The following FNIP2 variants were observed in gnomAD, a reference collection of about 807,000 sequenced individuals.
FNIP2 encodes folliculin interacting protein 2, also known as folliculin-interacting protein 2.
FNIP2 carries 32 observed loss-of-function variants against 108.7 expected under a neutral mutation model. The ratio of observed to expected loss-of-function variants is 0.29; its 90% CI spans 0.22 to 0.40. FNIP2 has a LOEUF of 0.40. Ranked by LOEUF, FNIP2 falls within the 10% of genes least tolerant of loss-of-function variation. The probability of loss-of-function intolerance (pLI) is 1.00; values close to 1 mark genes in which losing one functional copy is unlikely to be tolerated. For missense variants in FNIP2, 1,202 were observed against 1,381.6 expected (o/e 0.87, Z 2.06); for synonymous variants, 480 against 496.7 (o/e 0.97, Z 0.45).
chr4:158,815,154 C>T (rs1322204004), intron 1 of FNIP2, among the ~76,000 whole-genome samples: 10 of 152,152 alleles, frequency 6.6e-5, no homozygotes, highest in Non-Finnish European at 7.3e-5. Context: ...CTCCATTTTG[C>T]AGATGAGGCT....
intron 7 of FNIP2, among the ~76,000 whole-genome samples, chr4:158,839,765 G>A (rs1779019730): frequency 6.6e-6 from 1 of 152,050 alleles, no homozygotes; most frequent in South Asian, 2.1e-4. Flanking sequence ...ATCTGTGAGG[G>A]GTTGGGGTGA....
At chr4:158,792,502 A>G (rs1370435401) in intron 1 of FNIP2, among the ~76,000 whole-genome samples, 1 of 152,110 alleles carries the variant, frequency 6.6e-6, no homozygotes, top group Non-Finnish European at 1.5e-5. Flanking sequence ...TCTTTAGGTA[A>G]GCTTTGTTCA....
chr4:158,881,553 T>C (rs1560828308), intron 14 of FNIP2, among the ~76,000 whole-genome samples: 1 of 14,890 alleles, frequency 6.7e-5, no homozygotes, highest in South Asian at 3.7e-3. Flanking sequence ...GCTCCCTGCC[T>C]GATTCTCCTG....
intron 14 of FNIP2, among the ~76,000 whole-genome samples, chr4:158,880,699 T>C (rs559831692): frequency 6.6e-6 from 1 of 152,248 alleles, no homozygotes; most frequent in Admixed American, 6.5e-5. Context: ...CTGAAGGGGT[T>C]TTTTGGTTTG....
intron 7 of FNIP2, among the ~76,000 whole-genome samples, chr4:158,840,404 T>G (rs566293917): frequency 4.7e-5 from 7 of 147,712 alleles, no homozygotes; most frequent in Non-Finnish European, 7.5e-5. Flanking sequence ...TTTGTTGTTG[T>G]TTTTTTTTTG....
chr4:158,889,568 A>G (rs1303101776), intron 14 of FNIP2, among the ~76,000 whole-genome samples: 1 of 152,162 alleles, frequency 6.6e-6, no homozygotes, highest in African/African-American at 2.4e-5. Flanking sequence ...CAAATTACCT[A>G]TTGCAAATCA....
At chr4:158,877,537 A>G (rs1462673708) in intron 14 of FNIP2, among the ~76,000 whole-genome samples, 1 of 152,216 alleles carries the variant, frequency 6.6e-6, no homozygotes, top group Non-Finnish European at 1.5e-5. Context: ...TAGAGTTATG[A>G]TAAGGCCATA....
At chr4:158,892,141 C>CTT (rs34895070) in intron 15 of FNIP2, among the ~76,000 whole-genome samples, 76 of 113,490 alleles carry the variant, frequency 6.7e-4, no homozygotes, top group African/African-American at 9.6e-4. Flanking sequence ...TCAATTGTTG[C>CTT]TTTTTTTTTT....
rs1729678985 is a variant in FNIP2 at position 158,904,733 on chromosome 4, T to C, written c.*189T>C. On this transcript the variant is annotated 3_prime_UTR_variant, in exon 17 of 17. Transcript: ENST00000264433. The stretch of plus-strand genomic sequence containing the variant: ...GAAGACTTAGGTTTACTTGACATAA[T>C]AGCATTTGTGATTGTCGTGAACACT... The C allele has an allele frequency of 1.7e-6, 1 of 578,442 alleles. No homozygotes were observed. Among genetic ancestry groups the C allele is most frequent in the African/African-American group, 1.9e-5 (1 of 53,510 alleles). 35.8% of individuals were successfully genotyped at this position (578,442 alleles called of 1,614,324 possible).
Position 158,868,689 on chromosome 4 carries a change from C to T in FNIP2, c.2053C>T (p.Leu685=), listed in dbSNP as rs765406567. ...GATGGACCAGCAAGCTGTCTGTGAG[C>T]TGTTGAAAGTGGAGATGCCTACAAG... ...MKMDQQAVCE[L]LKVEMPTRLP... Residue 685 remains leucine, a synonymous_variant, in exon 13 of 17, where the codon CTG becomes TTG. Transcript: ENST00000264433. This position sits in a 1 kb window ranked among gnomAD's most constrained non-coding sequence, Gnocchi z 4.6. The T allele has an allele frequency of 1.2e-6, 2 of 1,614,008 alleles. No homozygotes were observed. The highest frequency in any genetic ancestry group is 1.7e-6 in the Non-Finnish European group (2 of 1,179,902).
At chr4:158,833,305 C>T (rs573655287) in intron 5 of FNIP2, among the ~76,000 whole-genome samples, 9 of 152,218 alleles carry the variant, frequency 5.9e-5, no homozygotes, top group Non-Finnish European at 1.0e-4. Context: ...TTTAGTTACA[C>T]GGGTTGAGCT....
intron 14 of FNIP2, among the ~76,000 whole-genome samples, chr4:158,882,303 G>A (rs552359093): frequency 7.9e-5 from 12 of 151,228 alleles, no homozygotes; most frequent in East Asian, 5.9e-4. Flanking sequence ...GAGCGTCTCC[G>A]CCCGGCAGCT....
chr4:158,818,976 A>G (rs1441746466), intron 1 of FNIP2, among the ~76,000 whole-genome samples: 1 of 152,082 alleles, frequency 6.6e-6, no homozygotes, highest in African/African-American at 2.4e-5. Context: ...CACTCACCCA[A>G]CTGTGTGGAC....
intron 8 of FNIP2, among the ~76,000 whole-genome samples, chr4:158,852,335 G>GT (rs545986968): frequency 1.5e-3 from 233 of 152,310 alleles, no homozygotes; most frequent in African/African-American, 5.3e-3. Context: ...CACATGTCAG[G>GT]TGGCTTGCCT....
At chr4:158,782,767 C>G (rs547108102) in intron 1 of FNIP2, among the ~76,000 whole-genome samples, 2 of 152,200 alleles carry the variant, frequency 1.3e-5, no homozygotes, top group South Asian at 4.1e-4. Flanking sequence ...GTATCAGAAA[C>G]TGGGGGTGGG....
At chr4:158,893,843 A>G in intron 15 of FNIP2, 1 of 621,896 alleles carries the variant, frequency 1.6e-6, no homozygotes. Flanking sequence ...AAAGCAATAA[A>G]TTGTTATAGT....
intron 15 of FNIP2, chr4:158,893,635 AT>A: frequency 3.6e-6 from 5 of 1,392,066 alleles, no homozygotes; most frequent in Admixed American, 2.0e-5. Context: ...TTATGATCTT[AT>A]TTTTTGTTAT....
At position 158,832,143 on chromosome 4, in the gene FNIP2, G is replaced by A; in HGVS notation, c.554+5G>A. The A allele has an allele frequency of 6.2e-7, 1 of 1,611,450 alleles. No homozygotes were observed. The highest frequency in any genetic ancestry group is 8.5e-7 in the Non-Finnish European group (1 of 1,178,250). ...CTTCTGTGGAAGTACAAATAAGTAAGTGTAGGATTTTGCATTCCCCACCCC... is the reference window on the plus strand; with the variant it reads ...CTTCTGTGGAAGTACAAATAAGTAAATGTAGGATTTTGCATTCCCCACCCC... On this transcript the variant is annotated splice_donor_5th_base_variant and intron_variant, in intron 5 of 16. Coordinates refer to ENST00000264433, the MANE Select transcript of FNIP2 (RefSeq NM_020840.3).
intron 7 of FNIP2, chr4:158,836,516 A>C (rs938278286): frequency 1.3e-5 from 2 of 151,984 alleles, no homozygotes; most frequent in African/African-American, 4.8e-5. Context: ...ACTCTCATTG[A>C]TCAGGCCGAG....
Sources: allele counts gnomAD v4.1 joint callset (sites outside exome capture counted in the v4.1 genomes callset), GRCh38; gene constraint gnomAD v4.1.1; non-coding constraint Gnocchi (gnomAD v3.1); transcripts MANE v1.5; gene names NCBI Gene and HGNC (gene_info 2026-07-23, HGNC 2026-07-21).